The following RANBP2 variants were observed in gnomAD, a reference collection of about 807,000 sequenced individuals.
The protein encoded by RANBP2 is E3 SUMO-protein ligase RanBP2.
Under a neutral mutation model 303.6 loss-of-function variants are expected in RANBP2, and 57 were observed. The observed-to-expected ratio is 0.19, with a 90% CI of 0.15 to 0.23. The LOEUF (loss-of-function observed/expected upper bound fraction) is 0.23, where lower values mean the gene tolerates loss of function less well. Ranked by LOEUF, RANBP2 falls within the 10% of genes least tolerant of loss-of-function variation. RANBP2 has a pLI of 1.00. For missense variants in RANBP2, 3,138 were observed against 3,780.8 expected (o/e 0.83, Z 4.46); for synonymous variants, 1,167 against 1,301.5 (o/e 0.90, Z 2.23).
chr2:109,093,588 C>A, the RANBP2 span, among the ~76,000 whole-genome samples: 1 of 151,512 alleles, frequency 6.6e-6, no homozygotes, highest in Non-Finnish European at 1.5e-5. Context: ...TATTGGCTGT[C>A]CTGGCTAGAG....
At chr2:109,111,415 G>A in the RANBP2 span, among the ~76,000 whole-genome samples, 4 of 152,024 alleles carry the variant, frequency 2.6e-5, no homozygotes, top group Admixed American at 6.6e-5. Context: ...AAGCTTATGG[G>A]TAAAACTGTA....
chr2:109,468,087 T>C, the RANBP2 span, among the ~76,000 whole-genome samples: 1 of 152,186 alleles, frequency 6.6e-6, no homozygotes, highest in African/African-American at 2.4e-5. Context: ...CTAGATACGG[T>C]CATGTGTCAC....
At chr2:109,316,518 G>T in the RANBP2 span, among the ~76,000 whole-genome samples, 1 of 152,158 alleles carries the variant, frequency 6.6e-6, no homozygotes, top group East Asian at 1.9e-4. Context: ...TCCTCTTAGA[G>T]ATTTCCTCTG....
chr2:109,015,312 A>G, the RANBP2 span, among the ~76,000 whole-genome samples: 2 of 152,008 alleles, frequency 1.3e-5, no homozygotes, highest in East Asian at 3.9e-4. Flanking sequence ...CCAACCCCTC[A>G]TCCTCTTCCT....
rs1438070083 is a variant in RANBP2, at chr2:108,785,723, C to T, written c.*1822C>T. The T allele has an allele frequency of 1.3e-5, 2 of 152,290 alleles. No individual in the cohort carries two copies. The highest frequency in any genetic ancestry group is 1.9e-4 in the East Asian group (1 of 5,186). The allele number at this position is 152,290 out of a possible 1,614,324, so 9.4% of individuals were successfully genotyped here. A position where few individuals can be genotyped will look rare whatever the true frequency, so the allele number is the denominator to read the frequency against. ...TAATCACTGATGTGGTCTAAACCCA[C>T]GATAATATGTATCTTTCCTTTTAAA... is the stretch of plus-strand genomic sequence containing the variant. On this transcript the variant is annotated 3_prime_UTR_variant, in exon 29 of 29. Transcript: ENST00000283195.
the RANBP2 span, among the ~76,000 whole-genome samples, chr2:109,481,938 C>T: frequency 6.6e-6 from 1 of 152,182 alleles, no homozygotes; most frequent in Non-Finnish European, 1.5e-5. Context: ...TATGTGAATG[C>T]CTCTGTGCTC....
At chr2:109,063,193 A>C in the RANBP2 span, among the ~76,000 whole-genome samples, 1 of 152,072 alleles carries the variant, frequency 6.6e-6, no homozygotes, top group Admixed American at 6.6e-5. Flanking sequence ...TCTGAGTGAG[A>C]CCTGGAGGTC....
chr2:108,748,951 G>C lies in RANBP2; in HGVS notation c.1095G>C (p.Lys365Asn). Residue 365 changes from lysine (K) to asparagine (N), a missense_variant, in exon 9 of 29, where the codon AAG becomes AAC. Around this residue, in one of 20 missense-constraint regions of RANBP2, gnomAD observed 95 missense variants for 86.4 expected, o/e 1.10. Transcript: ENST00000283195. Reference sequence around the variant, plus strand: ...TGTTGCTAAACTTAAGTCGTGGCAAGCAAGATTTTTTAAAAGAGATTGTTG... The same window carrying C: ...TGTTGCTAAACTTAAGTCGTGGCAACCAAGATTTTTTAAAAGAGATTGTTG... ...GHMLLNLSRG[K>N]QDFLKEIVET... 2 of 1,611,954 alleles carry C rather than the reference G, an allele frequency of 1.2e-6. No homozygotes were observed. Among genetic ancestry groups the C allele is most frequent in the Non-Finnish European group, 1.7e-6 (2 of 1,179,842 alleles).
At chr2:109,614,395 C>T in the RANBP2 span, 1 of 984,386 alleles carries the variant, frequency 1.0e-6, no homozygotes, top group Non-Finnish European at 1.3e-6. Context: ...GCTGAGCCCG[C>T]CAGACTCCGC....
chr2:109,259,915 G>T, the RANBP2 span, among the ~76,000 whole-genome samples: 1 of 152,154 alleles, frequency 6.6e-6, no homozygotes, highest in South Asian at 2.1e-4. Flanking sequence ...GTGCTACACC[G>T]TGCACAACAG....
chr2:109,425,167 C>G, the RANBP2 span, among the ~76,000 whole-genome samples: 1 of 152,238 alleles, frequency 6.6e-6, no homozygotes, highest in African/African-American at 2.4e-5. Context: ...CCCTAACTCT[C>G]TTCAACTCCG....
chr2:108,803,229 GC>G, the RANBP2 span, among the ~76,000 whole-genome samples: 9 of 152,196 alleles, frequency 5.9e-5, no homozygotes, highest in African/African-American at 1.9e-4. Context: ...TCTGTCCTGT[GC>G]CCGCCTGAGC....
the RANBP2 span, among the ~76,000 whole-genome samples, chr2:109,021,518 G>A: frequency 0.025 from 2,587 of 105,586 alleles, 88 homozygotes; most frequent in African/African-American, 0.081. Context: ...GAGAGACTCC[G>A]TCTCAGAAAA....
At chr2:109,550,126 A>G in the RANBP2 span, among the ~76,000 whole-genome samples, 1 of 151,708 alleles carries the variant, frequency 6.6e-6, no homozygotes, top group African/African-American at 2.4e-5. Flanking sequence ...CCCCATCTCT[A>G]CTAAAAATAC....
chr2:108,753,152 A>G lies in RANBP2; in HGVS notation c.1910A>G (p.Asp637Gly). Residue 637 changes from aspartate (D) to glycine (G), a missense_variant, in exon 13 of 29, where the codon GAC becomes GGC. This residue lies in a region of RANBP2 where 162 missense variants were observed against 286.9 expected (regional missense o/e 0.56). Transcript: ENST00000283195. ...CTGTTTAAACATTTTCATAGTGTAG[A>G]CATTCAGGTAACAGAGTTCCTTTAT... Reference protein sequence around the residue: ...DPLFKHFHSVDIQASEIVEYE... With the variant: ...DPLFKHFHSVGIQASEIVEYE... The G allele has an allele frequency of 6.2e-7, 1 of 1,610,656 alleles. No homozygotes were observed. The highest frequency in any genetic ancestry group is 8.5e-7 in the Non-Finnish European group (1 of 1,179,462).
chr2:109,032,088 GTT>G, the RANBP2 span, among the ~76,000 whole-genome samples: 1 of 151,940 alleles, frequency 6.6e-6, no homozygotes, highest in African/African-American at 2.4e-5. Flanking sequence ...TCGGAGCTTT[GTT>G]TTCAAGTTCA....
At chr2:109,289,710 T>A in the RANBP2 span, among the ~76,000 whole-genome samples, 1 of 152,208 alleles carries the variant, frequency 6.6e-6, no homozygotes, top group African/African-American at 2.4e-5. Flanking sequence ...TGAAACATGA[T>A]ATGACTTCAG....
chr2:109,230,801 GTGTT>G, the RANBP2 span, among the ~76,000 whole-genome samples: 1 of 152,216 alleles, frequency 6.6e-6, no homozygotes, highest in Non-Finnish European at 1.5e-5. Flanking sequence ...TGGAGCATCT[GTGTT>G]TGTTTCTAGA....
the RANBP2 span, among the ~76,000 whole-genome samples, chr2:108,993,698 A>G: frequency 6.6e-6 from 1 of 152,270 alleles, no homozygotes; most frequent in East Asian, 1.9e-4. Context: ...ATTGTACCCT[A>G]TTGGAGAATG....
Sources: gnomAD v4.1 joint callset for allele counts (sites outside exome capture counted in the v4.1 genomes callset) on GRCh38, gnomAD v4.1.1 for gene constraint, gnomAD v4.1.1 regional missense constraint, MANE v1.5 for transcripts, NCBI Gene and HGNC (gene_info 2026-07-23, HGNC 2026-07-21) for gene names.